The following CAMK1D variants were observed in gnomAD, a reference collection of about 807,000 sequenced individuals.
The protein encoded by CAMK1D is calcium/calmodulin-dependent protein kinase type 1D.
Under a neutral mutation model 47.7 loss-of-function variants are expected in CAMK1D, and 9 were observed. The ratio of observed to expected loss-of-function variants is 0.19; its 90% CI spans 0.11 to 0.33. The LOEUF is 0.33. Among genes scored for constraint, CAMK1D ranks in the 10% least tolerant of loss-of-function variants. CAMK1D has a pLI of 1.00. For missense variants in CAMK1D, 291 were observed against 488.7 expected, an observed-to-expected ratio of 0.60 and a Z score of 3.81; for synonymous variants, 184 against 184.9, an observed-to-expected ratio of 0.99 and a Z score of 0.04.
chr10:12,697,121 T>G (rs1274981322), intron 3 of CAMK1D, among the ~76,000 whole-genome samples: 1 of 152,206 alleles, frequency 6.6e-6, no homozygotes, highest in Non-Finnish European at 1.5e-5. Flanking sequence ...TATTTATAAT[T>G]AACAGATTTT....
Position 12,820,429 on chromosome 10 carries a change from T to C in CAMK1D, c.834-4036T>C, listed in dbSNP as rs568225005. ...CTCTCGCTTGCCTGCATTTATGATA[T>C]ACTTCTCTCTTTTATGTAACATTGC... On this transcript the variant is annotated intron_variant, in intron 8 of 10. Transcript: ENST00000619168. 7.9e-5 allele frequency among the ~76,000 whole-genome samples: 12 copies of C among 152,380 alleles called. 1 individual carries two copies. The South Asian group carries it at 2.5e-3, about 32-fold the overall frequency.
chr10:12,514,003 C>T (rs1044194555), intron 1 of CAMK1D, among the ~76,000 whole-genome samples: 2 of 152,150 alleles, frequency 1.3e-5, no homozygotes, highest in Non-Finnish European at 2.9e-5. Flanking sequence ...GTGCTGGATA[C>T]CACTAGGATT....
chr10:12,745,719 C>T (rs943132149), intron 3 of CAMK1D, among the ~76,000 whole-genome samples: 9 of 152,004 alleles, frequency 5.9e-5, no homozygotes, highest in East Asian at 1.9e-4. Flanking sequence ...TCTCCTGTCT[C>T]GGCCTCCCGA....
chr10:12,386,860 A>G (rs1185211791), intron 1 of CAMK1D, among the ~76,000 whole-genome samples: 1 of 152,148 alleles, frequency 6.6e-6, no homozygotes, highest in African/African-American at 2.4e-5. Context: ...ATACAATATA[A>G]TGTTTTGATA....
Position 12,389,516 on chromosome 10 carries a change from G to A in CAMK1D, c.92+39606G>A, listed in dbSNP as rs1419071767. Among the ~76,000 whole-genome samples, 5 of 152,122 alleles carry A rather than the reference G, an allele frequency of 3.3e-5. No individual in the cohort carries two copies. In the East Asian group the frequency reaches 7.7e-4, roughly 23 times the overall value. The stretch of plus-strand genomic sequence containing the variant: ...GTTTCATCCAGGCCTGAGTGAGAAC[G>A]TGACCTAGTTACTGTGCCTCTCTGC... On this transcript the variant is annotated intron_variant, in intron 1 of 10. Coordinates refer to ENST00000619168, the MANE Select transcript of CAMK1D (RefSeq NM_153498.4).
intron 1 of CAMK1D, among the ~76,000 whole-genome samples, chr10:12,503,089 C>T (rs1350918087): frequency 6.6e-6 from 1 of 152,078 alleles, no homozygotes; most frequent in Admixed American, 6.5e-5. Flanking sequence ...CATACATGTG[C>T]TTATGTATGC....
intron 1 of CAMK1D, among the ~76,000 whole-genome samples, chr10:12,364,220 A>G (rs1588407611): frequency 7.1e-6 from 1 of 140,448 alleles, no homozygotes; most frequent in African/African-American, 2.6e-5. Flanking sequence ...GAGTCTCTTG[A>G]CTCCAATGCG....
At chr10:12,420,114 C>T (rs1839999095) in intron 1 of CAMK1D, among the ~76,000 whole-genome samples, 1 of 152,146 alleles carries the variant, frequency 6.6e-6, no homozygotes, top group Non-Finnish European at 1.5e-5. Flanking sequence ...TGCCTGTCAC[C>T]ACGCCCAGCT....
At chr10:12,619,855 AC>A (rs995830216) in intron 2 of CAMK1D, among the ~76,000 whole-genome samples, 2 of 151,554 alleles carry the variant, frequency 1.3e-5, no homozygotes, top group African/African-American at 4.9e-5. Flanking sequence ...GCATGATCTC[AC>A]CCCCTGCCTA....
intron 1 of CAMK1D, among the ~76,000 whole-genome samples, chr10:12,401,013 T>C (rs1162318072): frequency 7.9e-6 from 1 of 125,830 alleles, no homozygotes; most frequent in Non-Finnish European, 1.6e-5. Flanking sequence ...TTCTCCTTTA[T>C]AGATTGTTTT....
chr10:12,678,829 C>G (rs1340802665), intron 3 of CAMK1D, among the ~76,000 whole-genome samples: 1 of 152,032 alleles, frequency 6.6e-6, no homozygotes, highest in Non-Finnish European at 1.5e-5. Flanking sequence ...CAGGCTGCAT[C>G]TTGGCTTGCT....
At chr10:12,541,887 C>CTTCCT (rs769998585) in intron 1 of CAMK1D, among the ~76,000 whole-genome samples, 3 of 126,886 alleles carry the variant, frequency 2.4e-5, no homozygotes, top group East Asian at 2.2e-4. Flanking sequence ...TCCTTCCTTC[C>CTTCCT]TTTTTTTTTT....
At chr10:12,605,358 GTGTGTGTGTA>G (rs1255760071) in intron 2 of CAMK1D, among the ~76,000 whole-genome samples, 1 of 151,490 alleles carries the variant, frequency 6.6e-6, no homozygotes, top group Non-Finnish European at 1.5e-5. Flanking sequence ...GTGTGTGTGT[GTGTGTGTGTA>G]TGTGTGTCAA....
chr10:12,759,340 T>C (rs1836388829), intron 3 of CAMK1D, among the ~76,000 whole-genome samples: 1 of 152,184 alleles, frequency 6.6e-6, no homozygotes, highest in Non-Finnish European at 1.5e-5. Context: ...GGCTGCAGAA[T>C]GAGACCCTGT....
At chr10:12,496,604 C>A (rs1049019366) in intron 1 of CAMK1D, among the ~76,000 whole-genome samples, 4 of 152,178 alleles carry the variant, frequency 2.6e-5, no homozygotes, top group South Asian at 4.1e-4. Flanking sequence ...AAACCAGAGA[C>A]CTTATGCCCT....
chr10:12,666,110 A>G (rs753402615), intron 2 of CAMK1D, among the ~76,000 whole-genome samples: 1 of 149,068 alleles, frequency 6.7e-6, no homozygotes, highest in African/African-American at 2.5e-5. Flanking sequence ...CTGTTTGAGA[A>G]CCACACTTTG....
chr10:12,535,361 C>T (rs1835936581), intron 1 of CAMK1D, among the ~76,000 whole-genome samples: 1 of 152,122 alleles, frequency 6.6e-6, no homozygotes, highest in Admixed American at 6.5e-5. Flanking sequence ...GGGTCTTGTT[C>T]CCCCTGCCCC....
At chr10:12,611,780 A>G (rs138705590) in intron 2 of CAMK1D, among the ~76,000 whole-genome samples, 33,620 of 151,296 alleles carry the variant, frequency 0.22, 4,199 homozygotes, top group South Asian at 0.35. Context: ...TTTAGTAGAG[A>G]TAGGGTTTCA....
rs181260693 is a variant in CAMK1D at position 12,623,848 on chromosome 10, G to A, written c.225-42888G>A. On this transcript the variant is annotated intron_variant, in intron 2 of 10. Transcript: ENST00000619168. Reference sequence around the variant, plus strand: ...AATCCCAGCACCTTGGGAGGCAGAGGCAGGTGGATCACTTGAGGTCAGCAG... The same window carrying A: ...AATCCCAGCACCTTGGGAGGCAGAGACAGGTGGATCACTTGAGGTCAGCAG... Among the ~76,000 whole-genome samples the A allele has an allele frequency of 8.0e-3, 1,225 of 152,276 alleles. 4 individuals carry two copies. The highest frequency in any genetic ancestry group is 0.014 in the Non-Finnish European group (968 of 68,018).
Sources: allele counts gnomAD v4.1 joint callset (sites outside exome capture counted in the v4.1 genomes callset), GRCh38; gene constraint gnomAD v4.1.1; transcripts MANE v1.5; gene names NCBI Gene and HGNC (gene_info 2026-07-23, HGNC 2026-07-21).